The following KCNQ5 variants were observed in gnomAD, a reference collection of about 807,000 sequenced individuals.
KCNQ5 encodes potassium voltage-gated channel subfamily KQT member 5.
KCNQ5 carries 30 observed loss-of-function variants against 98.2 expected under a neutral mutation model. That is an observed-to-expected ratio of 0.31 (90% CI 0.23 to 0.41). The LOEUF (loss-of-function observed/expected upper bound fraction) is 0.41. KCNQ5 is among the 10% of genes least tolerant of loss of function. The pLI is 1.00. For synonymous variants in KCNQ5, 458 were observed against 449.4 expected, an observed-to-expected ratio of 1.02 and a Z score of -0.24; for missense variants, 835 against 1,182.5, an observed-to-expected ratio of 0.71 and a Z score of 4.31.
intron 11 of KCNQ5, among the ~76,000 whole-genome samples, chr6:73,170,460 A>G (rs969180483): frequency 1.5e-5 from 2 of 137,646 alleles, no homozygotes; most frequent in East Asian, 2.2e-4. Flanking sequence ...ACACACACAC[A>G]CGCAATCAAG....
At chr6:72,901,442 G>A (rs1168082497) in intron 1 of KCNQ5, among the ~76,000 whole-genome samples, 1 of 152,026 alleles carries the variant, frequency 6.6e-6, no homozygotes, top group Non-Finnish European at 1.5e-5. Context: ...TCTAGAAGGG[G>A]TTTTCCAATG....
intron 2 of KCNQ5, among the ~76,000 whole-genome samples, chr6:73,030,348 C>T (rs1242798935): frequency 6.6e-6 from 1 of 152,122 alleles, no homozygotes; most frequent in African/African-American, 2.4e-5. Context: ...CTTTCCTGTT[C>T]TTTTGCATGA....
chr6:73,063,005 G>A (rs1439044177), intron 3 of KCNQ5, among the ~76,000 whole-genome samples: 1 of 152,080 alleles, frequency 6.6e-6, no homozygotes, highest in Non-Finnish European at 1.5e-5. Flanking sequence ...GTATTTACAG[G>A]TCACAATGTC....
intron 1 of KCNQ5, among the ~76,000 whole-genome samples, chr6:72,833,685 G>A (rs1018440385): frequency 1.3e-5 from 2 of 151,950 alleles, no homozygotes; most frequent in Admixed American, 1.3e-4. Context: ...TTTCTAAAAT[G>A]TTTTCACTGG....
At chr6:73,063,004 G>A (rs565477374) in intron 3 of KCNQ5, among the ~76,000 whole-genome samples, 1 of 152,084 alleles carries the variant, frequency 6.6e-6, no homozygotes, top group Non-Finnish European at 1.5e-5. Context: ...AGTATTTACA[G>A]GTCACAATGT....
At chr6:72,855,052 T>C (rs1777467913) in intron 1 of KCNQ5, among the ~76,000 whole-genome samples, 1 of 151,974 alleles carries the variant, frequency 6.6e-6, no homozygotes. Context: ...TCATCAATTA[T>C]CACACATTAG....
chr6:72,664,426 G>A (rs1013382778), intron 1 of KCNQ5, among the ~76,000 whole-genome samples: 11 of 152,120 alleles, frequency 7.2e-5, no homozygotes, highest in Admixed American at 2.0e-4. Flanking sequence ...GGCTGAGGCA[G>A]GCAGGTCACT....
At chr6:72,699,372 G>C (rs58136138) in intron 1 of KCNQ5, among the ~76,000 whole-genome samples, 2,392 of 152,262 alleles carry the variant, frequency 0.016, 53 homozygotes, top group African/African-American at 0.052. Context: ...CTGACAAACT[G>C]TCATTTAGAG....
intron 1 of KCNQ5, among the ~76,000 whole-genome samples, chr6:72,910,943 G>C (rs1779919085): frequency 6.6e-6 from 1 of 152,138 alleles, no homozygotes; most frequent in Admixed American, 6.5e-5. Context: ...GAGGATAAGT[G>C]AAAGAGAGGC....
chr6:73,014,043 A>G (rs1770202365), intron 2 of KCNQ5, among the ~76,000 whole-genome samples: 1 of 152,146 alleles, frequency 6.6e-6, no homozygotes, highest in Non-Finnish European at 1.5e-5. Context: ...CACTTTGCTC[A>G]GGTGAGTATC....
chr6:73,144,544 C>G (rs947733364), intron 10 of KCNQ5, among the ~76,000 whole-genome samples: 3 of 152,142 alleles, frequency 2.0e-5, no homozygotes, highest in African/African-American at 7.2e-5. Context: ...ACTATTGTTC[C>G]CATAATTTTG....
Position 72,669,173 on chromosome 6 carries a change from A to G in KCNQ5, c.398+46586A>G, listed in dbSNP as rs141266193. 2.4e-4 allele frequency among the ~76,000 whole-genome samples: 36 copies of G among 152,284 alleles called. 1 individual carries two copies. In the East Asian group the frequency reaches 6.8e-3, roughly 29 times the overall value. The stretch of plus-strand genomic sequence containing the variant: ...TATTTAAGTCAGATGGATGAGACTC[A>G]AGGTATGATTCATCATGAGGCAAAA... On this transcript the variant is annotated intron_variant, in intron 1 of 13. Coordinates refer to ENST00000370398, the MANE Select transcript of KCNQ5 (RefSeq NM_019842.4).
intron 1 of KCNQ5, among the ~76,000 whole-genome samples, chr6:72,684,836 GTCTGTGTGTGTGTATGTGTGTATT>G (rs1201006618): frequency 1.3e-5 from 2 of 152,064 alleles, no homozygotes; most frequent in African/African-American, 4.8e-5. Flanking sequence ...ATGCATTTGT[GTCTGTGTGTGTGTATGTGTGTATT>G]TCTGTGTGTG....
chr6:72,831,335 T>C (rs989536564), intron 1 of KCNQ5, among the ~76,000 whole-genome samples: 2 of 152,084 alleles, frequency 1.3e-5, no homozygotes, highest in Non-Finnish European at 2.9e-5. Context: ...AACCCAAATG[T>C]CCATCAATGA....
intron 1 of KCNQ5, among the ~76,000 whole-genome samples, chr6:72,933,352 T>C (rs1160576208): frequency 6.6e-6 from 1 of 152,240 alleles, no homozygotes; most frequent in African/African-American, 2.4e-5. Context: ...TTCTATCATC[T>C]GTTGAAGGAT....
chr6:72,815,667 A>G (rs1478786839), intron 1 of KCNQ5, among the ~76,000 whole-genome samples: 2 of 152,216 alleles, frequency 1.3e-5, no homozygotes, highest in African/African-American at 4.8e-5. Context: ...GATCAGATTT[A>G]AGCGTCAGGA....
At chr6:72,960,836 C>T (rs576252521) in intron 1 of KCNQ5, among the ~76,000 whole-genome samples, 209 of 152,234 alleles carry the variant, frequency 1.4e-3, no homozygotes, top group Non-Finnish European at 2.5e-3. Context: ...ACCCTCTTGT[C>T]TTCTGAGTAG....
chr6:73,061,429 A>G (rs1772775890), intron 3 of KCNQ5, among the ~76,000 whole-genome samples: 1 of 152,222 alleles, frequency 6.6e-6, no homozygotes, highest in African/African-American at 2.4e-5. Context: ...CAGATGAAGT[A>G]CAGTTTAGAT....
intron 1 of KCNQ5, among the ~76,000 whole-genome samples, chr6:72,997,070 G>A (rs1368504862): frequency 6.6e-6 from 1 of 152,196 alleles, no homozygotes; most frequent in African/African-American, 2.4e-5. Context: ...AGAGCTGTCT[G>A]TAACAGGGCT....
Sources: gnomAD v4.1 joint callset for allele counts (sites outside exome capture counted in the v4.1 genomes callset) on GRCh38, gnomAD v4.1.1 for gene constraint, MANE v1.5 for transcripts, NCBI Gene and HGNC (gene_info 2026-07-23, HGNC 2026-07-21) for gene names.